Variants in DENND1A observed in about 807,000 individuals in gnomAD.
The protein encoded by DENND1A is DENN domain containing 1A.
In DENND1A, 51 loss-of-function variants were observed where a neutral mutation model predicts 113.7. The ratio of observed to expected loss-of-function variants is 0.45; its 90% CI spans 0.36 to 0.57. DENND1A has a LOEUF of 0.57. Ranked by LOEUF, DENND1A falls within the 20% of genes least tolerant of loss-of-function variation. The probability of loss-of-function intolerance (pLI) is 0.00; values close to 1 mark genes in which losing one functional copy is unlikely to be tolerated. For missense variants in DENND1A, 1,258 were observed against 1,395.9 expected, an observed-to-expected ratio of 0.90 and a Z score of 1.57; for synonymous variants, 565 against 570.8, an observed-to-expected ratio of 0.99 and a Z score of 0.14.
chr9:123,413,599 G>A, intron 19 of DENND1A: 1 of 985,554 alleles, frequency 1.0e-6, no homozygotes, highest in Non-Finnish European at 1.2e-6. Flanking sequence ...CGGGTCCAGG[G>A]ACTTGGTGGA....
chr9:123,696,246 C>T (rs1011819273), intron 5 of DENND1A, among the ~76,000 whole-genome samples: 5 of 152,290 alleles, frequency 3.3e-5, no homozygotes, highest in African/African-American at 1.2e-4. Context: ...GTGATTAGAA[C>T]AGCATGCTAT....
chr9:123,399,985 G>A (rs1396594204), intron 21 of DENND1A: 1 of 152,272 alleles, frequency 6.6e-6, no homozygotes, highest in Non-Finnish European at 1.5e-5. Context: ...CTGCTGACTG[G>A]TGTCTGACCC....
chr9:123,889,527 C>G (rs752161816), intron 1 of DENND1A, among the ~76,000 whole-genome samples: 1 of 151,802 alleles, frequency 6.6e-6, no homozygotes, highest in Non-Finnish European at 1.5e-5. Context: ...GGGAACTATC[C>G]GAATAGAAAC....
intron 11 of DENND1A, among the ~76,000 whole-genome samples, chr9:123,595,196 G>A (rs1192010742): frequency 6.6e-6 from 1 of 152,134 alleles, no homozygotes; most frequent in Non-Finnish European, 1.5e-5. Context: ...GGCAGAGGAG[G>A]GAAGTGGTGT....
At position 123,755,550 on chromosome 9, in the gene DENND1A, C is replaced by T. The variant is rs574447444; in HGVS notation, c.302+2153G>A. Among the ~76,000 whole-genome samples, 24 of 151,906 alleles carry T rather than the reference C, an allele frequency of 1.6e-4. No homozygotes were observed. In the South Asian group the frequency reaches 3.1e-3, roughly 20 times the overall value. ...TGCTAGGATTACAGGAGTGAGCCCA[C>T]GTGCCTGGCCAATATGTGGATTTTT... On this transcript the variant is annotated intron_variant, in intron 5 of 23. Coordinates refer to ENST00000394215, the MANE Select transcript of DENND1A (RefSeq NM_001352964.2).
chr9:123,660,844 G>A (rs539565303), intron 8 of DENND1A, among the ~76,000 whole-genome samples: 9 of 152,242 alleles, frequency 5.9e-5, no homozygotes, highest in Non-Finnish European at 1.3e-4. Flanking sequence ...TGTGACTAAC[G>A]AAGTGGTTTT....
chr9:123,589,043 G>A (rs540583745), intron 11 of DENND1A, among the ~76,000 whole-genome samples: 1 of 152,276 alleles, frequency 6.6e-6, no homozygotes, highest in Admixed American at 6.5e-5. Context: ...TCGGATGACA[G>A]GTGTGAGCCA....
intron 2 of DENND1A, among the ~76,000 whole-genome samples, chr9:123,831,570 T>TCA (rs1340141342): frequency 1.3e-5 from 2 of 152,190 alleles, no homozygotes; most frequent in Non-Finnish European, 2.9e-5. Flanking sequence ...AATAATTCAT[T>TCA]CAGCTGGTAG....
intron 8 of DENND1A, among the ~76,000 whole-genome samples, chr9:123,652,634 C>T (rs1183894384): frequency 1.3e-5 from 2 of 152,184 alleles, no homozygotes; most frequent in African/African-American, 4.8e-5. Context: ...AGATGCCACC[C>T]ACGAAGGCCA....
intron 2 of DENND1A, among the ~76,000 whole-genome samples, chr9:123,872,084 G>C (rs948143280): frequency 1.3e-5 from 2 of 152,060 alleles, no homozygotes; most frequent in African/African-American, 4.8e-5. Flanking sequence ...TGCAATTTGA[G>C]CTAACTGTCT....
intron 1 of DENND1A, among the ~76,000 whole-genome samples, chr9:123,903,806 C>A (rs1852207826): frequency 6.6e-6 from 1 of 152,170 alleles, no homozygotes; most frequent in South Asian, 2.1e-4. Flanking sequence ...GGGGCGCCCG[C>A]CATTGCCCAG....
intron 1 of DENND1A, among the ~76,000 whole-genome samples, chr9:123,891,129 G>C (rs984333396): frequency 6.6e-6 from 1 of 152,160 alleles, no homozygotes; most frequent in Non-Finnish European, 1.5e-5. Flanking sequence ...GCCATCCAGA[G>C]AGCTCACAAC....
chr9:123,408,248 T>C (rs997759519), intron 20 of DENND1A, among the ~76,000 whole-genome samples: 1 of 152,186 alleles, frequency 6.6e-6, no homozygotes, highest in Non-Finnish European at 1.5e-5. Context: ...GTGGGTTCCA[T>C]ATGCCGAGTC....
intron 19 of DENND1A, among the ~76,000 whole-genome samples, chr9:123,431,273 C>T (rs2046114558): frequency 6.6e-6 from 1 of 152,154 alleles, no homozygotes; most frequent in Non-Finnish European, 1.5e-5. Context: ...CTCACACACA[C>T]CAGAAAATCA....
chr9:123,457,486 A>T (rs1490571164), intron 14 of DENND1A, 51 bp from the exon 15 acceptor site: 1 of 1,465,122 alleles, frequency 6.8e-7, no homozygotes, highest in Non-Finnish European at 9.6e-7. Context: ...GAAAAGGGGG[A>T]AAAACCATTC....
intron 8 of DENND1A, among the ~76,000 whole-genome samples, chr9:123,657,263 C>T (rs569748433): frequency 2.7e-4 from 41 of 152,268 alleles, no homozygotes; most frequent in African/African-American, 9.1e-4. Context: ...GGCAAAACCC[C>T]CATCCTCCCA....
At chr9:123,799,296 T>C (rs928792288) in intron 2 of DENND1A, among the ~76,000 whole-genome samples, 6 of 152,218 alleles carry the variant, frequency 3.9e-5, no homozygotes, top group Admixed American at 1.3e-4. Flanking sequence ...AATTTTATCA[T>C]AGTTAAAGCA....
At chr9:123,480,940 C>T (rs2050284325) in intron 13 of DENND1A, among the ~76,000 whole-genome samples, 1 of 152,188 alleles carries the variant, frequency 6.6e-6, no homozygotes, top group South Asian at 2.1e-4. Context: ...AAGCAGACGG[C>T]GTCACAGCAA....
chr9:123,494,361 C>G (rs1202776003), intron 13 of DENND1A, among the ~76,000 whole-genome samples: 1 of 152,166 alleles, frequency 6.6e-6, no homozygotes, highest in African/African-American at 2.4e-5. Flanking sequence ...CCCGCACCCT[C>G]TTGGATCAAA....
Sources: gnomAD v4.1 joint callset for allele counts (sites outside exome capture counted in the v4.1 genomes callset) on GRCh38, gnomAD v4.1.1 for gene constraint, MANE v1.5 for transcripts, NCBI Gene and HGNC (gene_info 2026-07-23, HGNC 2026-07-21) for gene names.